Variants in ABCG1 observed in about 807,000 individuals in gnomAD.
The protein encoded by ABCG1 is ATP binding cassette subfamily G member 1.
In ABCG1, 29 loss-of-function variants were observed where a neutral mutation model predicts 69.2. That is an observed-to-expected ratio of 0.42 (90% CI 0.31 to 0.57). ABCG1 has a LOEUF of 0.57. Ranked by LOEUF, ABCG1 falls within the 20% of genes least tolerant of loss-of-function variation. ABCG1 has a pLI of 0.15. For missense variants in ABCG1, 718 were observed against 898.1 expected (o/e 0.80, Z 2.56); for synonymous variants, 370 against 374.8 (o/e 0.99, Z 0.15).
chr21:42,201,799 G>A (rs1170245296), intron 2 of ABCG1: 30 of 1,607,276 alleles, frequency 1.9e-5, no homozygotes, highest in Non-Finnish European at 2.3e-5. Flanking sequence ...AACTCGTTCC[G>A]TGGGCCTGAT....
chr21:42,289,487 A>G (rs1022274720), intron 10 of ABCG1, among the ~76,000 whole-genome samples: 2 of 152,196 alleles, frequency 1.3e-5, no homozygotes, highest in Admixed American at 6.5e-5. Flanking sequence ...ACTGTGAATC[A>G]TGAGGATTGG....
rs1441191288 is a variant in ABCG1 at position 42,291,003 on chromosome 21, C to A, written c.1394-89C>A. 1.1e-6 allele frequency: 1 copy of A among 949,306 alleles called. No homozygotes were observed. Among genetic ancestry groups the A allele is most frequent in the Non-Finnish European group, 1.7e-6 (1 of 598,806 alleles). 58.8% of individuals were successfully genotyped at this position (949,306 alleles called of 1,614,324 possible). Reference sequence around the variant, plus strand: ...CCCTAGGCCAGAGCTGGGTTACCAGCCGCTCAGCTCAAGATCGCCTGTTGG... The same window carrying A: ...CCCTAGGCCAGAGCTGGGTTACCAGACGCTCAGCTCAAGATCGCCTGTTGG... On this transcript the variant is annotated intron_variant, in intron 11 of 14. Transcript: ENST00000398449. This position sits in a 1 kb window ranked among gnomAD's most constrained non-coding sequence, Gnocchi z 6.4.
In ABCG1 at chr21:42,219,369, A is replaced by G; in HGVS notation, c.42+65A>G. 1.3e-6 allele frequency: 2 copies of G among 1,557,814 alleles called. No homozygotes were observed. The highest frequency in any genetic ancestry group is 8.6e-7 in the Non-Finnish European group (1 of 1,157,184). On this transcript the variant is annotated intron_variant, in intron 1 of 14. Transcript: ENST00000398449. The surrounding 1 kb of genome is among the most constrained non-coding windows in gnomAD (Gnocchi z 5.3). ...TTTTCAAGGAGAGCAGGAAACACAC[A>G]AAGACTCGCAAGCTCGACCTGACAC...
chr21:42,292,417 T>TA (rs375663275), intron 13 of ABCG1, among the ~76,000 whole-genome samples: 26 of 152,186 alleles, frequency 1.7e-4, no homozygotes, highest in African/African-American at 6.3e-4. Flanking sequence ...GCCAGGCCCA[T>TA]GCCAGGTGCT....
At chr21:42,261,249 T>C (rs2068407247) in intron 2 of ABCG1, among the ~76,000 whole-genome samples, 1 of 150,044 alleles carries the variant, frequency 6.7e-6, no homozygotes, top group Non-Finnish European at 1.5e-5. Context: ...GGAGTCCTGC[T>C]GGCTGCAAGT....
At chr21:42,216,145 C>T (rs2067637247), upstream of ABCG1, 1 of 452,146 alleles carries the variant, frequency 2.2e-6, no homozygotes, top group African/African-American at 2.0e-5. Context: ...ACATGCCTTT[C>T]ACCTTCCGCC....
At position 42,285,940 on chromosome 21, in the gene ABCG1, T is replaced by C. The variant is rs1174420858; in HGVS notation, c.919T>C (p.Tyr307His). ...YRGKVCNLVP[Y>H]LRDLGLNCPT... ...GGGAAAAGTCTGCAATCTTGTGCCA[T>C]ATTTGAGGGATTTGGGTCTGAACTG... is the stretch of plus-strand genomic sequence containing the variant. The change falls in exon 8 of 15, where the codon TAT (tyrosine) becomes CAT (histidine). Residue 307 changes from tyrosine to histidine, a missense_variant. This residue lies in a region of ABCG1 where 514 missense variants were observed against 574.3 expected (regional missense o/e 0.90). Coordinates refer to ENST00000398449, the MANE Select transcript of ABCG1 (RefSeq NM_016818.3). 8 of 1,613,978 alleles carry C rather than the reference T, an allele frequency of 5.0e-6. No homozygotes were observed. Among genetic ancestry groups the C allele is most frequent in the Non-Finnish European group, 6.8e-6 (8 of 1,180,014 alleles).
In ABCG1 at chr21:42,288,343, G is replaced by A; in HGVS notation, c.1224+31G>A. 1.3e-6 allele frequency: 2 copies of A among 1,539,814 alleles called. No individual in the cohort carries two copies. The highest frequency in any genetic ancestry group is 4.5e-5 in the East Asian group (2 of 44,234). ...GCTGCCCGCATCTTCTCCTGTAGCT[G>A]GGGAACCCGTGGGTCATTTTCTCAG... On this transcript the variant is annotated intron_variant, in intron 10 of 14. Coordinates refer to ENST00000398449, the MANE Select transcript of ABCG1 (RefSeq NM_016818.3). This position sits in a 1 kb window ranked among gnomAD's most constrained non-coding sequence, Gnocchi z 4.8.
upstream of ABCG1, among the ~76,000 whole-genome samples, chr21:42,218,145 G>A (rs1280944583): frequency 6.6e-6 from 1 of 152,212 alleles, no homozygotes; most frequent in South Asian, 2.1e-4. Context: ...TCTAGGTGAG[G>A]AGAAAGAGAG....
At chr21:42,244,924 T>A (rs1307823744) in intron 2 of ABCG1, among the ~76,000 whole-genome samples, 1 of 152,238 alleles carries the variant, frequency 6.6e-6, no homozygotes, top group Admixed American at 6.5e-5. Flanking sequence ...GAGCCATCCG[T>A]GGAAGGGGTG....
chr21:42,251,907 G>C (rs552894847), intron 2 of ABCG1, among the ~76,000 whole-genome samples: 145 of 152,362 alleles, frequency 9.5e-4, no homozygotes, highest in African/African-American at 3.2e-3. Flanking sequence ...CGAGGCCCAA[G>C]GCTTGCATGT....
At chr21:42,260,982 C>A (rs907522077) in intron 2 of ABCG1, among the ~76,000 whole-genome samples, 1 of 152,058 alleles carries the variant, frequency 6.6e-6, no homozygotes, top group Non-Finnish European at 1.5e-5. Flanking sequence ...CCACCACACC[C>A]GGCTAATTTT....
chr21:42,290,110 T>C lies in ABCG1; in HGVS notation c.1285T>C (p.Tyr429His). 1.2e-6 allele frequency: 2 copies of C among 1,614,236 alleles called. No individual in the cohort carries two copies. The highest frequency in any genetic ancestry group is 1.7e-6 in the Non-Finnish European group (2 of 1,180,048). Residue 429 changes from tyrosine to histidine, a missense_variant, in exon 11 of 15, where the codon TAC becomes CAC. Physicochemically the swap from Tyr to His is moderately conservative, Grantham distance 83. Around this residue, in one of 2 missense-constraint regions of ABCG1, gnomAD observed 204 missense variants for 323.8 expected, o/e 0.63. Transcript: ENST00000398449. ...IGIGLLIGLLYLGIGNEAKKV... is the reference protein window; with the variant it reads ...IGIGLLIGLLHLGIGNEAKKV... ...GATCGGCCTCCTCATTGGCCTGCTGTACTTGGGGATCGGGAACGAAGCCAA... is the reference window on the plus strand; with the variant it reads ...GATCGGCCTCCTCATTGGCCTGCTGCACTTGGGGATCGGGAACGAAGCCAA...
intron 7 of ABCG1, among the ~76,000 whole-genome samples, chr21:42,285,169 G>A (rs536420212): frequency 6.6e-6 from 1 of 152,194 alleles, no homozygotes; most frequent in African/African-American, 2.4e-5. Flanking sequence ...TTAATAACAG[G>A]TTACAGCATT....
chr21:42,200,391 G>A (rs943899108), intron 1 of ABCG1, among the ~76,000 whole-genome samples: 7 of 152,186 alleles, frequency 4.6e-5, no homozygotes, highest in Non-Finnish European at 8.8e-5. Flanking sequence ...GAAGAATTCT[G>A]ATCAAGTGTT....
chr21:42,273,814 T>G lies in ABCG1; in HGVS notation c.537+379T>G, dbSNP rs931105943. Among the ~76,000 whole-genome samples, 1 of 152,154 alleles carries G rather than the reference T, an allele frequency of 6.6e-6. No individual in the cohort carries two copies. Among genetic ancestry groups the G allele is most frequent in the East Asian group, 1.9e-4 (1 of 5,204 alleles). On this transcript the variant is annotated intron_variant, in intron 4 of 14. Coordinates refer to ENST00000398449, the MANE Select transcript of ABCG1 (RefSeq NM_016818.3). This position sits in a 1 kb window ranked among gnomAD's most constrained non-coding sequence, Gnocchi z 5.3. Reference sequence around the variant, plus strand: ...GCTATCCTTGAGTCTTTCCGTGTCTTTGGCCCAAGCACCCACTCGCCTGGT... The same window carrying G: ...GCTATCCTTGAGTCTTTCCGTGTCTGTGGCCCAAGCACCCACTCGCCTGGT...
chr21:42,294,229 G>A (rs2069158672), intron 13 of ABCG1, among the ~76,000 whole-genome samples: 9 of 152,192 alleles, frequency 5.9e-5, no homozygotes, highest in Admixed American at 5.9e-4. Flanking sequence ...AGCTGTGGAG[G>A]AGCAGACGGC....
chr21:42,211,332 C>T (rs76471075), upstream of ABCG1, among the ~76,000 whole-genome samples: 2,694 of 152,224 alleles, frequency 0.018, 82 homozygotes, highest in African/African-American at 0.061. Context: ...CCTTATGCTG[C>T]TGCCCTCCCT....
At chr21:42,290,019 C>G (rs371931120) in intron 10 of ABCG1, 31 bp from the exon 11 acceptor site, 2 of 1,614,038 alleles carry the variant, frequency 1.2e-6, no homozygotes, top group Non-Finnish European at 1.7e-6. Context: ...GCTTTGCGAA[C>G]GCACTGGGTA....
Sources: gnomAD v4.1 joint callset for allele counts (sites outside exome capture counted in the v4.1 genomes callset) on GRCh38, gnomAD v4.1.1 for gene constraint, gnomAD v4.1.1 regional missense constraint, Gnocchi (gnomAD v3.1) non-coding constraint, MANE v1.5 for transcripts, NCBI Gene and HGNC (gene_info 2026-07-23, HGNC 2026-07-21) for gene names.